Variants in SHISA6 observed in about 807,000 individuals in gnomAD.
SHISA6 encodes the protein protein shisa-6.
In SHISA6, 22 loss-of-function variants were observed where a neutral mutation model predicts 47.9. That is an observed-to-expected ratio of 0.46 (90% CI 0.33 to 0.66). The LOEUF is 0.66. Ranked by LOEUF, SHISA6 falls within the 30% of genes least tolerant of loss-of-function variation. The pLI is 0.02. For synonymous variants in SHISA6, 388 were observed against 337.8 expected, an observed-to-expected ratio of 1.15 and a Z score of -1.63; for missense variants, 680 against 764.6, an observed-to-expected ratio of 0.89 and a Z score of 1.30.
At chr17:11,282,860 T>C (rs1024471075) in intron 2 of SHISA6, among the ~76,000 whole-genome samples, 2 of 152,198 alleles carry the variant, frequency 1.3e-5, no homozygotes, top group African/African-American at 4.8e-5. Context: ...GCCTGCAAAC[T>C]GGGATTTAGA....
chr17:11,254,877 C>T (rs1345626652), intron 1 of SHISA6, among the ~76,000 whole-genome samples: 2 of 152,230 alleles, frequency 1.3e-5, no homozygotes, highest in Non-Finnish European at 2.9e-5. Flanking sequence ...CAACTTCACA[C>T]TGGGGCAGAG....
At chr17:11,403,621 G>A (rs989771543) in intron 3 of SHISA6, among the ~76,000 whole-genome samples, 3 of 152,130 alleles carry the variant, frequency 2.0e-5, no homozygotes, top group African/African-American at 7.2e-5. Flanking sequence ...ATGGCATGGT[G>A]GAAACAGGTG....
At chr17:11,404,470 T>C (rs1436774054) in intron 3 of SHISA6, among the ~76,000 whole-genome samples, 1 of 152,068 alleles carries the variant, frequency 6.6e-6, no homozygotes, top group Non-Finnish European at 1.5e-5. Flanking sequence ...GGAAAGAAAA[T>C]ATCTGTGGGT....
At chr17:11,412,540 TTC>T (rs982475703) in intron 3 of SHISA6, among the ~76,000 whole-genome samples, 9 of 134,528 alleles carry the variant, frequency 6.7e-5, no homozygotes, top group South Asian at 2.4e-4. Context: ...ACACTTAGAC[TTC>T]TTCTTTTTTT....
intron 3 of SHISA6, among the ~76,000 whole-genome samples, chr17:11,516,205 A>G (rs186144824): frequency 6.6e-6 from 1 of 152,310 alleles, no homozygotes; most frequent in East Asian, 1.9e-4. Context: ...GAAGAGAAAC[A>G]TCTAGTGCTA....
At chr17:11,345,036 A>T (rs191094546) in intron 2 of SHISA6, among the ~76,000 whole-genome samples, 1 of 152,272 alleles carries the variant, frequency 6.6e-6, no homozygotes, top group Non-Finnish European at 1.5e-5. Flanking sequence ...TGCAGTATTT[A>T]GTTTTCTGAC....
rs1221155413 is a variant in SHISA6, at chr17:11,278,115, G to A, written c.799+14589G>A. 2.6e-5 allele frequency among the ~76,000 whole-genome samples: 4 copies of A among 152,278 alleles called. No individual in the cohort carries two copies. In the East Asian group the frequency reaches 7.7e-4, roughly 29 times the overall value. On this transcript the variant is annotated intron_variant, in intron 2 of 5. Coordinates refer to ENST00000441885, the MANE Select transcript of SHISA6 (RefSeq NM_207386.4). ...AATATCAGGTGAAGTGAGCTGCTGT[G>A]GCTGTCCTCTGTGCTTTCCACTGTA...
chr17:11,378,489 C>T (rs537828312), intron 2 of SHISA6, among the ~76,000 whole-genome samples: 33 of 152,308 alleles, frequency 2.2e-4, no homozygotes, highest in African/African-American at 7.7e-4. Flanking sequence ...TTTTAATACA[C>T]TCTTTTGGTA....
chr17:11,310,139 A>G (rs1401129297), intron 2 of SHISA6, among the ~76,000 whole-genome samples: 2 of 152,154 alleles, frequency 1.3e-5, no homozygotes, highest in Non-Finnish European at 2.9e-5. Context: ...GTGGATTGGG[A>G]TGGACAGTCT....
chr17:11,466,930 C>G (rs1223706399), intron 3 of SHISA6, among the ~76,000 whole-genome samples: 1 of 152,144 alleles, frequency 6.6e-6, no homozygotes, highest in Non-Finnish European at 1.5e-5. Flanking sequence ...GCCCATCTCT[C>G]CCATCTCAGC....
chr17:11,256,912 C>G (rs1019589312), intron 1 of SHISA6, among the ~76,000 whole-genome samples: 2 of 152,324 alleles, frequency 1.3e-5, no homozygotes, highest in African/African-American at 4.8e-5. Flanking sequence ...AGGACAGGCA[C>G]CCACTGGGAT....
intron 2 of SHISA6, among the ~76,000 whole-genome samples, chr17:11,370,476 A>G (rs1389169704): frequency 6.6e-6 from 1 of 152,166 alleles, no homozygotes; most frequent in African/African-American, 2.4e-5. Flanking sequence ...TTAAAAACAA[A>G]ATCCAAACCA....
chr17:11,311,097 A>G (rs1191344443), intron 2 of SHISA6, among the ~76,000 whole-genome samples: 3 of 107,052 alleles, frequency 2.8e-5, no homozygotes, highest in East Asian at 5.8e-4. Context: ...ACTGAGCGAG[A>G]CTCCATCTCA....
chr17:11,530,838 C>T (rs1004972178), intron 3 of SHISA6, among the ~76,000 whole-genome samples: 2 of 152,188 alleles, frequency 1.3e-5, no homozygotes, highest in African/African-American at 2.4e-5. Context: ...AGGCAGCTGA[C>T]CTCTGTAATG....
chr17:11,344,323 TATG>T (rs1233401704), intron 2 of SHISA6, among the ~76,000 whole-genome samples: 1 of 152,222 alleles, frequency 6.6e-6, no homozygotes, highest in Non-Finnish European at 1.5e-5. Flanking sequence ...CGTTTAAAAA[TATG>T]ATGAAATACA....
intron 3 of SHISA6, among the ~76,000 whole-genome samples, chr17:11,483,375 G>A (rs1916268917): frequency 6.6e-6 from 1 of 151,720 alleles, no homozygotes; most frequent in Non-Finnish European, 1.5e-5. Flanking sequence ...AACAGGTCAG[G>A]TAATAGACAA....
chr17:11,472,871 A>G (rs918340626), intron 3 of SHISA6, among the ~76,000 whole-genome samples: 3 of 152,102 alleles, frequency 2.0e-5, no homozygotes, highest in Non-Finnish European at 4.4e-5. Context: ...CCAATTTTAC[A>G]TTATCATTGT....
intron 3 of SHISA6, among the ~76,000 whole-genome samples, chr17:11,516,304 C>A (rs1297385367): frequency 6.6e-6 from 1 of 152,192 alleles, no homozygotes; most frequent in East Asian, 1.9e-4. Flanking sequence ...GCAGCAATAC[C>A]TCAGAGTCTA....
At chr17:11,295,453 C>T (rs1205331352) in intron 2 of SHISA6, among the ~76,000 whole-genome samples, 1 of 152,188 alleles carries the variant, frequency 6.6e-6, no homozygotes, top group African/African-American at 2.4e-5. Context: ...AACATGCCCA[C>T]ATTCCAGTAT....
Sources: allele counts gnomAD v4.1 joint callset (sites outside exome capture counted in the v4.1 genomes callset), GRCh38; gene constraint gnomAD v4.1.1; transcripts MANE v1.5; gene names NCBI Gene and HGNC (gene_info 2026-07-23, HGNC 2026-07-21).